The following SEC22C variants were observed in gnomAD, a reference collection of about 807,000 sequenced individuals.
The protein encoded by SEC22C is SEC22 homolog C, vesicle trafficking protein, also known as vesicle-trafficking protein SEC22c.
SEC22C carries 29 observed loss-of-function variants against 34.7 expected under a neutral mutation model. That is an observed-to-expected ratio of 0.84 (90% CI 0.62 to 1.14). The LOEUF is 1.14. SEC22C is among the 50% of genes most tolerant of loss of function. SEC22C has a pLI of 0.00. For missense variants in SEC22C, 337 were observed against 369.0 expected, an observed-to-expected ratio of 0.91 and a Z score of 0.71; for synonymous variants, 117 against 132.8, an observed-to-expected ratio of 0.88 and a Z score of 0.82.
upstream of SEC22C, among the ~76,000 whole-genome samples, chr3:42,585,112 A>G (rs1008081520): frequency 2.0e-5 from 3 of 152,178 alleles, no homozygotes; most frequent in Non-Finnish European, 4.4e-5. Context: ...CTGACCTACA[A>G]GAGCGAAACT....
chr3:42,574,961 C>T (rs1473938892), intron 1 of SEC22C, among the ~76,000 whole-genome samples: 1 of 152,144 alleles, frequency 6.6e-6, no homozygotes, highest in African/African-American at 2.4e-5. Flanking sequence ...TCTGCCTCAG[C>T]CTCCCAAGTA....
chr3:42,548,497 G>T lies in SEC22C; in HGVS notation c.*4751C>A. On this transcript the variant is annotated 3_prime_UTR_variant, in exon 7 of 7. Coordinates refer to ENST00000264454, the MANE Select transcript of SEC22C (RefSeq NM_032970.4). ...AATCCAGCCATTCCCAGATTTCACTGACATGCCCTTTTCCACAGGCTCCCT... is the reference window on the plus strand; with the variant it reads ...AATCCAGCCATTCCCAGATTTCACTTACATGCCCTTTTCCACAGGCTCCCT... 1 of 1,149,430 alleles carries T rather than the reference G, an allele frequency of 8.7e-7. No individual in the cohort carries two copies. Among genetic ancestry groups the T allele is most frequent in the Non-Finnish European group, 1.3e-6 (1 of 779,286 alleles). The allele number at this position is 1,149,430 out of a possible 1,614,324, so 71.2% of individuals were successfully genotyped here. A position where few individuals can be genotyped will look rare whatever the true frequency, so the allele number is the denominator to read the frequency against.
At chr3:42,557,744 TGAAA>T in intron 4 of SEC22C, 48 bp from the exon 5 acceptor site, 1 of 930,870 alleles carries the variant, frequency 1.1e-6, no homozygotes, top group Non-Finnish European at 1.7e-6. Flanking sequence ...AATTTCTACA[TGAAA>T]GAAAAATAAA....
At chr3:42,590,096 C>G (rs914872293) in intron 1 of SEC22C, among the ~76,000 whole-genome samples, 11 of 147,286 alleles carry the variant, frequency 7.5e-5, no homozygotes, top group Non-Finnish European at 1.5e-4. Flanking sequence ...TTTAGGGTTG[C>G]CAACCTAATA....
chr3:42,578,137 CA>C (rs1704083366), intron 1 of SEC22C, among the ~76,000 whole-genome samples: 1 of 152,176 alleles, frequency 6.6e-6, no homozygotes, highest in Non-Finnish European at 1.5e-5. Flanking sequence ...TTATTTATAA[CA>C]ACCAAACCTG....
At chr3:42,561,857 G>A (rs965026395) in intron 3 of SEC22C, among the ~76,000 whole-genome samples, 1 of 152,150 alleles carries the variant, frequency 6.6e-6, no homozygotes. Flanking sequence ...CAGAACCTCA[G>A]TGATGAGAGA....
intron 4 of SEC22C, among the ~76,000 whole-genome samples, chr3:42,558,485 C>CAA (rs769919883): frequency 0.14 from 13,760 of 97,474 alleles, 1,124 homozygotes; most frequent in African/African-American, 0.22. Flanking sequence ...GACCTTGTCT[C>CAA]AAAAAAAAAA....
Position 42,548,027 on chromosome 3 carries a change from A to G in SEC22C, c.*5221T>C, listed in dbSNP as rs1702076797. 6.6e-6 allele frequency: 1 copy of G among 152,424 alleles called. No individual in the cohort carries two copies. The highest frequency in any genetic ancestry group is 2.1e-4 in the South Asian group (1 of 4,844). The allele number at this position is 152,424 out of a possible 1,614,324, so 9.4% of individuals were successfully genotyped here. The stretch of plus-strand genomic sequence containing the variant: ...TGAAGCCACCTCATTTAATTTATAC[A>G]TAGGATATAAATGGCTATACATTTT... On this transcript the variant is annotated 3_prime_UTR_variant, in exon 7 of 7. Coordinates refer to ENST00000264454, the MANE Select transcript of SEC22C (RefSeq NM_032970.4).
intron 5 of SEC22C, among the ~76,000 whole-genome samples, chr3:42,556,595 G>A (rs1485966455): frequency 6.6e-6 from 1 of 152,206 alleles, no homozygotes; most frequent in Non-Finnish European, 1.5e-5. Context: ...TCAGTCTCCT[G>A]AGGTTCAACA....
chr3:42,557,765 C>A, intron 4 of SEC22C, 69 bp from the exon 5 acceptor site: 1 of 766,146 alleles, frequency 1.3e-6, no homozygotes, highest in Non-Finnish European at 2.3e-6. Context: ...TAAACGAAGA[C>A]ATTAACTAGA....
At chr3:42,564,774 T>C (rs916467912) in intron 2 of SEC22C, among the ~76,000 whole-genome samples, 10 of 152,206 alleles carry the variant, frequency 6.6e-5, no homozygotes, top group African/African-American at 2.2e-4. Flanking sequence ...TTGTTTTGTT[T>C]TGACACAGGG....
intron 2 of SEC22C, 75 bp from the exon 3 acceptor site, chr3:42,563,761 T>C (rs966625163): frequency 8.8e-6 from 14 of 1,599,002 alleles, no homozygotes; most frequent in Non-Finnish European, 1.1e-5. Flanking sequence ...AGACACAACC[T>C]TACCTGAATT....
intron 4 of SEC22C, among the ~76,000 whole-genome samples, 195 bp from the exon 5 acceptor site, chr3:42,557,891 G>A (rs1463423062): frequency 2.0e-5 from 3 of 152,236 alleles, no homozygotes; most frequent in African/African-American, 4.8e-5. Context: ...ATGGATGTGG[G>A]TATTTGAGTA....
In SEC22C at chr3:42,594,770, C is replaced by T. The variant is rs1704982350; in HGVS notation, c.-28+6190G>A. On this transcript the variant is annotated intron_variant, in intron 1 of 6. Transcript: ENST00000417572. Reference sequence around the variant, plus strand: ...GGTGTCCTCTTTCCTGAACTTGGAGCATGTTTGGATAACAAAGACATCACT... The same window carrying T: ...GGTGTCCTCTTTCCTGAACTTGGAGTATGTTTGGATAACAAAGACATCACT... 7 of 302,246 alleles carry T rather than the reference C, an allele frequency of 2.3e-5. No individual in the cohort carries two copies. In the South Asian group the frequency reaches 4.0e-4, roughly 17 times the overall value. The allele number at this position is 302,246 out of a possible 1,614,324, so 18.7% of individuals were successfully genotyped here.
chr3:42,559,365 T>G (rs1233786806), intron 4 of SEC22C, among the ~76,000 whole-genome samples: 1 of 152,244 alleles, frequency 6.6e-6, no homozygotes, highest in Non-Finnish European at 1.5e-5. Context: ...GGTGACACTT[T>G]CTGGATTTGC....
At position 42,568,873 on chromosome 3, in the gene SEC22C, A is replaced by G. The variant is rs893933430; in HGVS notation, c.174T>C (p.Phe58=). The G allele has an allele frequency of 1.9e-6, 3 of 1,614,112 alleles. No individual in the cohort carries two copies. The highest frequency in any genetic ancestry group is 1.3e-5 in the African/African-American group (1 of 75,030). Residue 58 remains phenylalanine, a synonymous_variant, in exon 2 of 7, where the codon TTT becomes TTC. Transcript: ENST00000264454. ...TGAATATGATCACTTACTGTATACT[A>G]AAGTCACAACCTTCTGCAGAACCTC... The part of the protein sequence containing the change: ...PGRGSAEGCD[F]SIHFSSFGDV...
chr3:42,585,960 T>C (rs1364881260), upstream of SEC22C, among the ~76,000 whole-genome samples: 1 of 151,448 alleles, frequency 6.6e-6, no homozygotes, highest in Non-Finnish European at 1.5e-5. Flanking sequence ...CCCCGCTTGC[T>C]CTCCCAGGAA....
In SEC22C at chr3:42,550,600, C is replaced by T; in HGVS notation, c.*2648G>A. The T allele has an allele frequency of 1.0e-6, 1 of 985,272 alleles. No homozygotes were observed. Among genetic ancestry groups the T allele is most frequent in the Non-Finnish European group, 1.2e-6 (1 of 829,920 alleles). 61.0% of individuals were successfully genotyped at this position (985,272 alleles called of 1,614,324 possible). On this transcript the variant is annotated 3_prime_UTR_variant, in exon 7 of 7. Transcript: ENST00000264454. ...GTACTGTTTTTCTAGTGCATCTTTT[C>T]CCTTTTGTTTGCAAAAGTCAATCTC...
At chr3:42,594,498 G>C in intron 1 of SEC22C, 1 of 1,613,364 alleles carries the variant, frequency 6.2e-7, no homozygotes, top group Non-Finnish European at 8.5e-7. Flanking sequence ...CACTTCAAAA[G>C]CAATGGAATA....
Sources: gnomAD v4.1 joint callset for allele counts (sites outside exome capture counted in the v4.1 genomes callset) on GRCh38, gnomAD v4.1.1 for gene constraint, MANE v1.5 for transcripts, NCBI Gene and HGNC (gene_info 2026-07-23, HGNC 2026-07-21) for gene names.